GRIN2A: variants seen among roughly 807,000 people sequenced by gnomAD.
GRIN2A encodes glutamate receptor ionotropic, NMDA 2A.
In GRIN2A, 22 loss-of-function variants were observed where a neutral mutation model predicts 113.4. The ratio of observed to expected loss-of-function variants is 0.19; its 90% CI spans 0.14 to 0.28. The LOEUF (loss-of-function observed/expected upper bound fraction) is 0.28. GRIN2A is among the 10% of genes least tolerant of loss of function. The pLI is 1.00. For missense variants in GRIN2A, 1,502 were observed against 1,887.0 expected (o/e 0.80, Z 3.78); for synonymous variants, 827 against 738.4 (o/e 1.12, Z -1.94).
intron 2 of GRIN2A, among the ~76,000 whole-genome samples, chr16:10,115,499 C>G (rs149321456): frequency 6.6e-6 from 1 of 152,230 alleles, no homozygotes; most frequent in Non-Finnish European, 1.5e-5. Flanking sequence ...TCCATGTGCA[C>G]ACCCTGGGGC....
intron 2 of GRIN2A, among the ~76,000 whole-genome samples, chr16:10,029,628 A>G (rs1204181538): frequency 6.6e-6 from 1 of 152,232 alleles, no homozygotes; most frequent in Admixed American, 6.5e-5. Context: ...TGTCTCACCT[A>G]GTCTGGGACT....
chr16:9,780,646 G>A (rs759943969), intron 11 of GRIN2A, among the ~76,000 whole-genome samples: 3 of 152,196 alleles, frequency 2.0e-5, no homozygotes, highest in Non-Finnish European at 4.4e-5. Flanking sequence ...TTGCACAGCT[G>A]TACAAAAATT....
At chr16:9,818,719 C>G (rs1458684432) in intron 10 of GRIN2A, among the ~76,000 whole-genome samples, 1 of 152,086 alleles carries the variant, frequency 6.6e-6, no homozygotes, top group African/African-American at 2.4e-5. Context: ...ATACTTTTTA[C>G]CTATTAGCAA....
intron 11 of GRIN2A, among the ~76,000 whole-genome samples, chr16:9,772,617 C>A (rs982523778): frequency 6.6e-6 from 1 of 152,258 alleles, no homozygotes; most frequent in South Asian, 2.1e-4. Context: ...CTCAAGCAAC[C>A]CACCTGGCTC....
rs200124835 is a variant in GRIN2A, at chr16:10,015,252, CAAAAAAAAAAAAAAAA to C, written c.415-76717_415-76702del. Among the ~76,000 whole-genome samples the C allele has an allele frequency of 2.6e-3, 51 of 19,314 alleles. No individual in the cohort carries two copies. In the East Asian group the frequency reaches 0.051, roughly 19 times the overall value. 12.7% of individuals were successfully genotyped at this position (19,314 alleles called of 152,430 possible). A position where few individuals can be genotyped will look rare whatever the true frequency, so the allele number is the denominator to read the frequency against. On this transcript the variant is annotated intron_variant, in intron 2 of 12. Coordinates refer to ENST00000330684, the MANE Select transcript of GRIN2A (RefSeq NM_001134407.3). Reference sequence around the variant, plus strand: ...TGGGCAACAGAGCAAGACTTCATCTCAAAAAAAAAAAAAAAAAAAGAAAAAAAAAAAGAAAAAGAAA... The same window carrying C: ...TGGGCAACAGAGCAAGACTTCATCTCAAAGAAAAAAAAAAAGAAAAAGAAA...
Position 9,763,044 on chromosome 16 carries a change from A to G in GRIN2A, c.*105T>C, listed in dbSNP as rs1900657036. On this transcript the variant is annotated 3_prime_UTR_variant, in exon 13 of 13. Transcript: ENST00000330684. ...CAACAACAACAAAATACCTCCCTAC[A>G]TCTTCTTCCTCTTAGCAGGGCACTA... The G allele has an allele frequency of 8.5e-7, 1 of 1,174,566 alleles. No homozygotes were observed. The allele number at this position is 1,174,566 out of a possible 1,614,324, so 72.8% of individuals were successfully genotyped here. A position where few individuals can be genotyped will look rare whatever the true frequency, so the allele number is the denominator to read the frequency against.
chr16:9,887,188 G>C (rs964486673), intron 4 of GRIN2A, among the ~76,000 whole-genome samples: 1 of 151,970 alleles, frequency 6.6e-6, no homozygotes, highest in Non-Finnish European at 1.5e-5. Flanking sequence ...AGCCCGGCCC[G>C]GATTTAGGTT....
chr16:9,931,474 A>G (rs1417266163), intron 3 of GRIN2A, among the ~76,000 whole-genome samples: 2 of 152,184 alleles, frequency 1.3e-5, no homozygotes, highest in East Asian at 3.9e-4. Context: ...TCTTTAGGAA[A>G]ACTCCTGGGT....
In GRIN2A at chr16:9,959,374, T is replaced by C. The variant is rs936475475; in HGVS notation, c.415-20823A>G. ...TGTCTCCTCCTCCTATTTCTATTCCTCATGCCCTGCATGTCTCCCCATAGG... is the reference window on the plus strand; with the variant it reads ...TGTCTCCTCCTCCTATTTCTATTCCCCATGCCCTGCATGTCTCCCCATAGG... On this transcript the variant is annotated intron_variant, in intron 2 of 12. Coordinates refer to ENST00000330684, the MANE Select transcript of GRIN2A (RefSeq NM_001134407.3). 4.5e-4 allele frequency among the ~76,000 whole-genome samples: 68 copies of C among 152,234 alleles called. 1 individual carries two copies. The highest frequency in any genetic ancestry group is 2.2e-4 in the Non-Finnish European group (15 of 68,042).
chr16:10,141,939 C>A (rs1344009832), intron 2 of GRIN2A, among the ~76,000 whole-genome samples: 1 of 152,204 alleles, frequency 6.6e-6, no homozygotes, highest in African/African-American at 2.4e-5. Context: ...CTATGTCTAA[C>A]CTGGTGGAAA....
intron 2 of GRIN2A, among the ~76,000 whole-genome samples, chr16:10,082,412 C>A (rs935063805): frequency 6.6e-6 from 1 of 152,196 alleles, no homozygotes; most frequent in African/African-American, 2.4e-5. Flanking sequence ...CTTGTGTGAT[C>A]TCCTCCCCTT....
chr16:10,165,731 GA>G, intron 2 of GRIN2A, among the ~76,000 whole-genome samples: 1 of 57,204 alleles, frequency 1.7e-5, no homozygotes. Flanking sequence ...GAGGGGAGGG[GA>G]GAAAGGAGGG....
intron 4 of GRIN2A, among the ~76,000 whole-genome samples, chr16:9,860,193 C>T (rs899979813): frequency 6.6e-6 from 1 of 151,864 alleles, no homozygotes; most frequent in Non-Finnish European, 1.5e-5. Flanking sequence ...TGGTGGCTCG[C>T]GCCTGTAATC....
intron 2 of GRIN2A, chr16:10,179,582 A>G (rs916687946): frequency 3.8e-5 from 8 of 212,242 alleles, no homozygotes; most frequent in Non-Finnish European, 2.9e-5. Flanking sequence ...AAAAATGGAC[A>G]TTTTCCCACA....
chr16:10,034,047 A>C (rs976726889), intron 2 of GRIN2A, among the ~76,000 whole-genome samples: 1 of 152,166 alleles, frequency 6.6e-6, no homozygotes, highest in Admixed American at 6.5e-5. Context: ...CTGAAAGGTG[A>C]AGAGGACAGA....
chr16:10,036,530 C>T (rs1437474801), intron 2 of GRIN2A, among the ~76,000 whole-genome samples: 1 of 137,932 alleles, frequency 7.2e-6, no homozygotes, highest in Non-Finnish European at 1.5e-5. Flanking sequence ...GCAATCTCGG[C>T]TCATTGCAAA....
At chr16:9,897,221 A>ATATTTACATATTTTATATATAT (rs60188583) in intron 3 of GRIN2A, among the ~76,000 whole-genome samples, 1 of 149,224 alleles carries the variant, frequency 6.7e-6, no homozygotes, top group African/African-American at 2.5e-5. Flanking sequence ...TTATATATAT[A>ATATTTACATATTTTATATATAT]AAAAAATACA....
At chr16:10,036,406 A>G (rs1010768509) in intron 2 of GRIN2A, among the ~76,000 whole-genome samples, 4 of 115,662 alleles carry the variant, frequency 3.5e-5, no homozygotes, top group African/African-American at 1.3e-4. Context: ...ATGGTGTTCT[A>G]TTTATGCCAT....
chr16:9,919,130 GC>G (rs1306837368), intron 3 of GRIN2A, among the ~76,000 whole-genome samples: 2 of 152,108 alleles, frequency 1.3e-5, no homozygotes, highest in African/African-American at 4.8e-5. Context: ...CCTGGATCAC[GC>G]CCCTGCACTC....
Sources: gnomAD v4.1 joint callset for allele counts (sites outside exome capture counted in the v4.1 genomes callset) on GRCh38, gnomAD v4.1.1 for gene constraint, MANE v1.5 for transcripts, NCBI Gene and HGNC (gene_info 2026-07-23, HGNC 2026-07-21) for gene names.